Variants in NLRP5 observed in about 807,000 individuals in gnomAD.
NLRP5 encodes the protein NLR family pyrin domain containing 5.
Under a neutral mutation model 113.1 loss-of-function variants are expected in NLRP5, and 93 were observed. That is an observed-to-expected ratio of 0.82 (90% CI 0.70 to 0.98). The LOEUF (loss-of-function observed/expected upper bound fraction) is 0.98, where lower values mean the gene tolerates loss of function less well. Among genes scored for constraint, NLRP5 ranks in the 50% least tolerant of loss-of-function variants. NLRP5 has a pLI of 0.00. For synonymous variants in NLRP5, 751 were observed against 600.7 expected, an observed-to-expected ratio of 1.25 and a Z score of -3.66; for missense variants, 1,808 against 1,514.3, an observed-to-expected ratio of 1.19 and a Z score of -3.22.
intron 9 of NLRP5, among the ~76,000 whole-genome samples, chr19:56,035,767 G>C (rs1358839295): frequency 6.6e-6 from 1 of 152,112 alleles, no homozygotes; most frequent in African/African-American, 2.4e-5. Context: ...ATTCCCCAAA[G>C]TACTTATTGG....
chr19:56,024,340 T>TAA lies in NLRP5; in HGVS notation c.680-2558_680-2557dup, dbSNP rs771516465. On this transcript the variant is annotated intron_variant, in intron 6 of 14. Coordinates refer to ENST00000390649, the MANE Select transcript of NLRP5 (RefSeq NM_153447.4). ...AACATGGTGAAACCTCATCTCTGCTTAAAAAAAAAAAAAAAAGAACAAATA... is the reference window on the plus strand; with the variant it reads ...AACATGGTGAAACCTCATCTCTGCTTAAAAAAAAAAAAAAAAAAGAACAAATA... Among the ~76,000 whole-genome samples the TAA allele has an allele frequency of 2.4e-4, 26 of 110,224 alleles. 1 individual carries two copies. Among genetic ancestry groups the TAA allele is most frequent in the African/African-American group, 7.7e-4 (22 of 28,452 alleles). The allele number at this position is 110,224 out of a possible 152,430, so 72.3% of individuals were successfully genotyped here.
chr19:56,045,375 G>C (rs1983683848), intron 11 of NLRP5, among the ~76,000 whole-genome samples: 1 of 151,064 alleles, frequency 6.6e-6, no homozygotes, highest in African/African-American at 2.5e-5. Flanking sequence ...AGTCTGAAAA[G>C]AGAGTCAGCG....
chr19:56,050,723 C>T, intron 12 of NLRP5, 135 bp downstream of exon 12: 1 of 793,436 alleles, frequency 1.3e-6, no homozygotes, highest in Non-Finnish European at 2.0e-6. Flanking sequence ...TTTCCAAGGG[C>T]AATCTAGGTA....
chr19:56,027,254 C>T lies in NLRP5; in HGVS notation c.1021C>T (p.Pro341Ser), dbSNP rs777554723. Reference sequence around the variant, plus strand: ...CACAGAGTTCATCTCCAGGGAGTGGCCAGACTCCCAGGCTCCGGTGACGGA... The same window carrying T: ...CACAGAGTTCATCTCCAGGGAGTGGTCAGACTCCCAGGCTCCGGTGACGGA... Residue 341 changes from proline (P) to serine (S), a missense_variant, in exon 7 of 15, where the codon CCA becomes TCA. By Grantham distance (74) the Pro-to-Ser change is moderately conservative. Transcript: ENST00000390649. 1 of 1,612,226 alleles carries T rather than the reference C, an allele frequency of 6.2e-7. No individual in the cohort carries two copies. Among genetic ancestry groups the T allele is most frequent in the African/African-American group, 1.3e-5 (1 of 74,918 alleles).
Position 56,027,858 on chromosome 19 carries a change from G to A in NLRP5, c.1625G>A (p.Arg542Lys), listed in dbSNP as rs112347103. 5.8e-4 allele frequency: 940 copies of A among 1,613,988 alleles called. 1 individual carries two copies. The highest frequency in any genetic ancestry group is 8.5e-4 in the Admixed American group (51 of 60,014). ...ATGGCTGTGGAGGGAGTGTGGAATA[G>A]GAAGTCAGTGTTTGACGGTGACGAC... The change falls in exon 7 of 15, where the codon AGG (arginine) becomes AAG (lysine). Residue 542 changes from arginine to lysine, a missense_variant. By Grantham distance (26) the Arg-to-Lys change is conservative. Transcript: ENST00000390649.
chr19:56,023,406 G>T (rs528109280), intron 6 of NLRP5, among the ~76,000 whole-genome samples: 26 of 152,276 alleles, frequency 1.7e-4, no homozygotes, highest in African/African-American at 5.8e-4. Flanking sequence ...GACGACAGAC[G>T]GCCCTCCGTT....
chr19:56,024,929 G>A (rs1982779826), intron 6 of NLRP5, among the ~76,000 whole-genome samples: 1 of 150,760 alleles, frequency 6.6e-6, no homozygotes, highest in Non-Finnish European at 1.5e-5. Context: ...ATTTACAGCT[G>A]CTCCCCATGA....
chr19:56,027,735 T>G lies in NLRP5; in HGVS notation c.1502T>G (p.Leu501Arg), dbSNP rs768481610. Residue 501 changes from leucine to arginine, a missense_variant, in exon 7 of 15, where the codon CTG becomes CGG. Coordinates refer to ENST00000390649, the MANE Select transcript of NLRP5 (RefSeq NM_153447.4). ...CCCTTCAACCAAACGCTCACAGGCC[T>G]GCACGCCGCTTTTGTGTTTCATCAG... is the stretch of plus-strand genomic sequence containing the variant. 16 of 1,613,750 alleles carry G rather than the reference T, an allele frequency of 9.9e-6. No individual in the cohort carries two copies. Among genetic ancestry groups the G allele is most frequent in the Non-Finnish European group, 1.3e-5 (15 of 1,179,892 alleles).
chr19:56,022,718 A>T (rs1982662741), intron 6 of NLRP5, among the ~76,000 whole-genome samples: 1 of 152,122 alleles, frequency 6.6e-6, no homozygotes, highest in African/African-American at 2.4e-5. Context: ...GAAGTAAAAG[A>T]TGAGGTTTTT....
chr19:56,032,309 C>T (rs181736723), intron 7 of NLRP5, among the ~76,000 whole-genome samples: 13 of 151,044 alleles, frequency 8.6e-5, no homozygotes, highest in South Asian at 2.1e-4. Context: ...TGCGCCACTG[C>T]GCTCCAGCCT....
intron 3 of NLRP5, among the ~76,000 whole-genome samples, chr19:56,014,452 C>A (rs1017078585): frequency 4.0e-5 from 6 of 148,620 alleles, no homozygotes; most frequent in African/African-American, 1.5e-4. Flanking sequence ...TGCACTCCAG[C>A]CTGGTGACAG....
At chr19:55,988,543 GCTT>G in the NLRP5 span, 5 of 147,586 alleles carry the variant, frequency 3.4e-5, no homozygotes, top group South Asian at 8.5e-4. Context: ...TCGTCTTCTT[GCTT>G]CTTCTACCTT....
intron 9 of NLRP5, among the ~76,000 whole-genome samples, chr19:56,035,714 T>C (rs1274844890): frequency 6.6e-6 from 1 of 152,212 alleles, no homozygotes; most frequent in African/African-American, 2.4e-5. Flanking sequence ...CACTCCTGTA[T>C]TCCCGGAACC....
chr19:56,030,626 G>A (rs1983060416), intron 7 of NLRP5, among the ~76,000 whole-genome samples: 1 of 151,522 alleles, frequency 6.6e-6, no homozygotes, highest in Admixed American at 6.6e-5. Context: ...TAAGCACTGA[G>A]ATGGGAAATT....
intron 3 of NLRP5, 24 bp from the exon 4 acceptor site, chr19:56,015,718 A>G: frequency 1.9e-6 from 3 of 1,548,726 alleles, no homozygotes; most frequent in Non-Finnish European, 2.6e-6. Context: ...GTTTGTGTTT[A>G]TTCTTCTCCC....
Position 56,005,466 on chromosome 19 carries a change from C to CATTTAT in NLRP5, c.442+1372_442+1373insTTTATA, listed in dbSNP as rs1568481803. Among the ~76,000 whole-genome samples the CATTTAT allele has an allele frequency of 3.0e-4, 42 of 142,224 alleles. 1 individual carries two copies. The highest frequency in any genetic ancestry group is 9.1e-4 in the African/African-American group (34 of 37,212). 93.3% of individuals were successfully genotyped at this position (142,224 alleles called of 152,430 possible). The stretch of plus-strand genomic sequence containing the variant: ...ACACATATATTTTTATATACACACA[C>CATTTAT]ACATATTTATACACACACACACGCA... On this transcript the variant is annotated intron_variant, in intron 2 of 14. Coordinates refer to ENST00000390649, the MANE Select transcript of NLRP5 (RefSeq NM_153447.4).
intron 3 of NLRP5, among the ~76,000 whole-genome samples, chr19:56,011,659 C>G (rs1982196814): frequency 6.6e-6 from 1 of 150,716 alleles, no homozygotes; most frequent in Admixed American, 6.6e-5. Context: ...GAGATGTCAT[C>G]TTTGTGTTAG....
intron 13 of NLRP5, among the ~76,000 whole-genome samples, chr19:56,055,707 G>A (rs141350613): frequency 0.09 from 13,569 of 151,094 alleles, 707 homozygotes; most frequent in East Asian, 0.23. Context: ...CACCACGCCC[G>A]GCTAATTTTT....
At chr19:55,993,713 T>C in the NLRP5 span, among the ~76,000 whole-genome samples, 1 of 146,508 alleles carries the variant, frequency 6.8e-6, no homozygotes, top group Non-Finnish European at 1.5e-5. Flanking sequence ...ATGAGTAAAA[T>C]ACATTCAGTA....
Sources: gnomAD v4.1 joint callset for allele counts (sites outside exome capture counted in the v4.1 genomes callset) on GRCh38, gnomAD v4.1.1 for gene constraint, MANE v1.5 for transcripts, NCBI Gene and HGNC (gene_info 2026-07-23, HGNC 2026-07-21) for gene names.